RBFOX1: variants seen among roughly 807,000 people sequenced by gnomAD.
The protein encoded by RBFOX1 is RNA binding fox-1 homolog 1, also known as RNA binding protein fox-1 homolog 1.
Under a neutral mutation model 57.7 loss-of-function variants are expected in RBFOX1, and 8 were observed. The ratio of observed to expected loss-of-function variants is 0.14; its 90% CI spans 0.08 to 0.25. The LOEUF is 0.25. RBFOX1 is among the 10% of genes least tolerant of loss of function. The pLI, the probability that RBFOX1 is intolerant of heterozygous loss-of-function variation, is 1.00. For synonymous variants in RBFOX1, 326 were observed against 222.4 expected, an observed-to-expected ratio of 1.47 and a Z score of -4.15; for missense variants, 611 against 548.5, an observed-to-expected ratio of 1.11 and a Z score of -1.14.
Position 5,897,016 on chromosome 16 carries a change from C to CTTT in RBFOX1, c.351+29709_351+29711dup, listed in dbSNP as rs575235024. On this transcript the variant is annotated intron_variant, in intron 4 of 19. Transcript: ENST00000641259. ...CCCCCACTAAAAATGTATCCATCCG[C>CTTT]TTTTTTTTTTTTTTTTTTTTTTTTT... 4.3e-4 allele frequency among the ~76,000 whole-genome samples: 24 copies of CTTT among 56,466 alleles called. 4 individuals are homozygous for CTTT. Among genetic ancestry groups the CTTT allele is most frequent in the African/African-American group, 1.2e-3 (15 of 13,012 alleles). The allele number at this position is 56,466 out of a possible 152,430, so 37.0% of individuals were successfully genotyped here. A position where few individuals can be genotyped will look rare whatever the true frequency, so the allele number is the denominator to read the frequency against.
At chr16:7,668,062 T>G (rs1216954047) in intron 13 of RBFOX1, among the ~76,000 whole-genome samples, 2 of 152,194 alleles carry the variant, frequency 1.3e-5, no homozygotes, top group African/African-American at 4.8e-5. Context: ...TGTCAGATTC[T>G]TCCTGCTCAA....
At chr16:5,690,970 G>C (rs1439940250) in intron 3 of RBFOX1, among the ~76,000 whole-genome samples, 2 of 152,174 alleles carry the variant, frequency 1.3e-5, no homozygotes, top group African/African-American at 2.4e-5. Context: ...TTCCCAAGAA[G>C]GGAGAGCAGG....
chr16:6,997,289 A>C (rs1041867154), intron 3 of RBFOX1, among the ~76,000 whole-genome samples: 1 of 152,164 alleles, frequency 6.6e-6, no homozygotes, highest in Non-Finnish European at 1.5e-5. Flanking sequence ...GTCTGCCACC[A>C]ATACATGTTT....
At chr16:5,980,433 G>A (rs1394516131) in intron 4 of RBFOX1, among the ~76,000 whole-genome samples, 1 of 152,154 alleles carries the variant, frequency 6.6e-6, no homozygotes, top group Non-Finnish European at 1.5e-5. Flanking sequence ...GGTGTCTCAG[G>A]ATCCTGCAGG....
chr16:7,448,233 C>T (rs12921331), intron 4 of RBFOX1, among the ~76,000 whole-genome samples: 48,692 of 152,130 alleles, frequency 0.32, 9,569 homozygotes, highest in Non-Finnish European at 0.44. Context: ...AGTTGGAAGT[C>T]GTAAATCAAG....
At chr16:6,023,267 C>CTATATATATATA (rs58852639) in intron 1 of RBFOX1, among the ~76,000 whole-genome samples, 5 of 147,558 alleles carry the variant, frequency 3.4e-5, no homozygotes, top group African/African-American at 1.2e-4. Context: ...ATAATTGAAG[C>CTATATATATATA]TATATATATA....
chr16:6,655,848 G>T (rs1473483366), intron 3 of RBFOX1, among the ~76,000 whole-genome samples: 1 of 152,172 alleles, frequency 6.6e-6, no homozygotes, highest in Non-Finnish European at 1.5e-5. Context: ...ATTGTATCAT[G>T]ACTGGGGCAT....
At chr16:6,276,708 T>C (rs2075838784) in intron 1 of RBFOX1, among the ~76,000 whole-genome samples, 1 of 152,144 alleles carries the variant, frequency 6.6e-6, no homozygotes, top group Admixed American at 6.6e-5. Context: ...CAGATACTGG[T>C]CGCATTAAGT....
intron 9 of RBFOX1, among the ~76,000 whole-genome samples, chr16:7,599,835 C>T (rs1216670276): frequency 2.6e-5 from 4 of 151,198 alleles, no homozygotes; most frequent in African/African-American, 9.8e-5. Flanking sequence ...CGGAGTTTCA[C>T]CAAGTTGCCC....
intron 1 of RBFOX1, among the ~76,000 whole-genome samples, chr16:6,277,406 G>A (rs1023108084): frequency 6.9e-5 from 10 of 144,032 alleles, no homozygotes; most frequent in East Asian, 2.0e-4. Flanking sequence ...GCATTGAACC[G>A]TGATCGCAGC....
At position 6,678,499 on chromosome 16, in the gene RBFOX1, C is replaced by G. The variant is rs578038519; in HGVS notation, c.-16+23849C>G. Among the ~76,000 whole-genome samples the G allele has an allele frequency of 7.9e-5, 12 of 151,736 alleles. No homozygotes were observed. The South Asian group carries it at 1.5e-3, about 18-fold the overall frequency. On this transcript the variant is annotated intron_variant, in intron 3 of 15. Coordinates refer to ENST00000550418, the MANE Select transcript of RBFOX1 (RefSeq NM_018723.4). ...TGTATGGGTCCTAAACCTTCAAAAT[C>G]TAGTGTGCATTTTACACTTACAAAA...
chr16:7,080,689 A>C (rs2059054530), intron 4 of RBFOX1, among the ~76,000 whole-genome samples: 1 of 151,950 alleles, frequency 6.6e-6, no homozygotes, highest in African/African-American at 2.4e-5. Flanking sequence ...CTGCCATATG[A>C]ACCCTGGGTG....
chr16:6,502,443 C>T (rs551645304), intron 2 of RBFOX1, among the ~76,000 whole-genome samples: 1 of 152,172 alleles, frequency 6.6e-6, no homozygotes, highest in Non-Finnish European at 1.5e-5. Flanking sequence ...TATTTAATCT[C>T]TTTAAGTCTC....
chr16:7,221,434 T>G (rs140067460), intron 4 of RBFOX1, among the ~76,000 whole-genome samples: 4,019 of 152,102 alleles, frequency 0.026, 185 homozygotes, highest in African/African-American at 0.092. Context: ...TGGCCCAATC[T>G]TGGCTCACTG....
intron 3 of RBFOX1, among the ~76,000 whole-genome samples, chr16:6,946,676 C>T (rs922668353): frequency 2.0e-5 from 3 of 151,488 alleles, no homozygotes; most frequent in Admixed American, 6.6e-5. Context: ...GATCACAGTT[C>T]ACTGCAATCT....
At chr16:7,480,265 G>A (rs935721299) in intron 4 of RBFOX1, among the ~76,000 whole-genome samples, 4 of 152,188 alleles carry the variant, frequency 2.6e-5, no homozygotes, top group Non-Finnish European at 5.9e-5. Context: ...TTTGGCTAGA[G>A]CAAGGACAGA....
At chr16:6,062,265 G>A (rs576975941) in intron 1 of RBFOX1, among the ~76,000 whole-genome samples, 42 of 149,328 alleles carry the variant, frequency 2.8e-4, no homozygotes, top group African/African-American at 9.4e-4. Context: ...TCCATCATTG[G>A]CCATTGGTGA....
intron 4 of RBFOX1, among the ~76,000 whole-genome samples, chr16:6,011,308 C>T (rs760508929): frequency 1.3e-5 from 2 of 151,984 alleles, no homozygotes; most frequent in Non-Finnish European, 2.9e-5. Flanking sequence ...TTAGATGGAG[C>T]TATTTAAAAC....
chr16:7,252,993 C>T (rs931042960), intron 4 of RBFOX1, among the ~76,000 whole-genome samples: 1 of 152,190 alleles, frequency 6.6e-6, no homozygotes, highest in Non-Finnish European at 1.5e-5. Context: ...AGTTCAGCAT[C>T]TTGAGCCTCT....
Sources: gnomAD v4.1 joint callset for allele counts (sites outside exome capture counted in the v4.1 genomes callset) on GRCh38, gnomAD v4.1.1 for gene constraint, MANE v1.5 for transcripts, NCBI Gene and HGNC (gene_info 2026-07-23, HGNC 2026-07-21) for gene names.